The following TRAPPC9 variants were observed in gnomAD, a reference collection of about 807,000 sequenced individuals.
The protein encoded by TRAPPC9 is trafficking protein particle complex subunit 9.
A neutral mutation model predicts 124.0 loss-of-function variants in TRAPPC9; 83 were observed. That is an observed-to-expected ratio of 0.67 (90% CI 0.56 to 0.80). The LOEUF is 0.80. Ranked by LOEUF, TRAPPC9 falls within the 30% of genes least tolerant of loss-of-function variation. The pLI is 0.00. For missense variants in TRAPPC9, 1,302 were observed against 1,508.3 expected (o/e 0.86, Z 2.27); for synonymous variants, 638 against 617.5 (o/e 1.03, Z -0.49).
rs577324941 is a variant in TRAPPC9 at position 139,735,273 on chromosome 8, T to C, written c.3056-3071A>G. ...TCTAATGCTAACAGTTGTGACAAGT[T>C]CATATTCTTGCTGTGAGGAGCTCAG... On this transcript the variant is annotated intron_variant, in intron 21 of 22. Coordinates refer to ENST00000438773, the MANE Select transcript of TRAPPC9 (RefSeq NM_001160372.4). Among the ~76,000 whole-genome samples, 68 of 152,324 alleles carry C rather than the reference T, an allele frequency of 4.5e-4. No individual in the cohort carries two copies. In the South Asian group the frequency reaches 0.014, roughly 32 times the overall value.
chr8:140,201,853 A>G (rs2062797960), intron 17 of TRAPPC9, among the ~76,000 whole-genome samples: 1 of 152,188 alleles, frequency 6.6e-6, no homozygotes, highest in Admixed American at 6.5e-5. Context: ...GGCACAGCAC[A>G]CAGCAGCAGT....
chr8:139,798,638 G>A (rs372102519), intron 21 of TRAPPC9, among the ~76,000 whole-genome samples: 15 of 152,342 alleles, frequency 9.8e-5, no homozygotes, highest in African/African-American at 3.4e-4. Context: ...GCTCTGTCAA[G>A]AGCGTAAATA....
At chr8:140,393,032 T>TTTTTTTTTATTTTTTTTTATTTTATTTTA (rs574235886) in intron 7 of TRAPPC9, among the ~76,000 whole-genome samples, 2 of 138,024 alleles carry the variant, frequency 1.4e-5, no homozygotes, top group Non-Finnish European at 3.1e-5. Flanking sequence ...TCCCATTTTA[T>TTTTTTTTTATTTTTTTTTATTTTATTTTA]TTTTATTTTA....
intron 17 of TRAPPC9, among the ~76,000 whole-genome samples, chr8:140,163,709 C>G (rs143738025): frequency 1.3e-5 from 2 of 152,014 alleles, no homozygotes; most frequent in East Asian, 1.9e-4. Flanking sequence ...GTTATTGTAG[C>G]CTTTGTTTCA....
intron 9 of TRAPPC9, among the ~76,000 whole-genome samples, chr8:140,315,233 CTTTTTT>C (rs61220260): frequency 9.3e-6 from 1 of 107,168 alleles, no homozygotes; most frequent in Non-Finnish European, 1.9e-5. Flanking sequence ...ATTTGTATGT[CTTTTTT>C]TTTTTTTTTT....
chr8:139,743,321 A>G (rs1205931685), intron 21 of TRAPPC9, among the ~76,000 whole-genome samples: 1 of 152,148 alleles, frequency 6.6e-6, no homozygotes, highest in Non-Finnish European at 1.5e-5. Flanking sequence ...CTACTCTCCA[A>G]CCTTTTGCGC....
In TRAPPC9 at chr8:139,788,423, G is replaced by A. The variant is rs1212126324; in HGVS notation, c.3056-56221C>T. ...AACTATCAGGCAGGGCAAGGATGGC[G>A]GCTGCTGGGGAGGGAGAGCGGGAGC... is the stretch of plus-strand genomic sequence containing the variant. On this transcript the variant is annotated intron_variant, in intron 21 of 22. Transcript: ENST00000438773. The surrounding 1 kb of genome is among the most constrained non-coding windows in gnomAD (Gnocchi z 4.9). 5.3e-5 allele frequency among the ~76,000 whole-genome samples: 8 copies of A among 152,234 alleles called. No homozygotes were observed. The highest frequency in any genetic ancestry group is 1.3e-4 in the Admixed American group (2 of 15,288).
At chr8:140,275,169 C>T (rs571306075) in intron 15 of TRAPPC9, among the ~76,000 whole-genome samples, 1 of 152,108 alleles carries the variant, frequency 6.6e-6, no homozygotes. Flanking sequence ...AAGAGGAAAT[C>T]GAGGCACAGG....
Position 139,731,962 on chromosome 8 carries a change from T to TGCACACCACCAC in TRAPPC9, c.3279+5_3279+16dup. On this transcript the variant is annotated intron_variant, in intron 22 of 22. Transcript: ENST00000438773. ...ATGGCCAGAGGCTCCCAGACCGCCT[T>TGCACACCACCAC]GCACACCACCACGCACCGCGTCGAG... 1 of 1,559,000 alleles carries TGCACACCACCAC rather than the reference T, an allele frequency of 6.4e-7. No individual in the cohort carries two copies. Among genetic ancestry groups the TGCACACCACCAC allele is most frequent in the Non-Finnish European group, 8.7e-7 (1 of 1,150,854 alleles).
chr8:139,823,137 C>T (rs149169954), intron 21 of TRAPPC9, among the ~76,000 whole-genome samples: 23 of 152,268 alleles, frequency 1.5e-4, no homozygotes, highest in African/African-American at 4.8e-4. Flanking sequence ...CTGGGGGTTA[C>T]GGCTGCAACA....
At chr8:139,970,146 T>C (rs1422448365) in intron 19 of TRAPPC9, among the ~76,000 whole-genome samples, 2 of 152,158 alleles carry the variant, frequency 1.3e-5, no homozygotes, top group African/African-American at 2.4e-5. Context: ...AAAAGCATCA[T>C]GTAAGGCTGA....
At chr8:140,198,516 C>T (rs1454090898) in intron 17 of TRAPPC9, among the ~76,000 whole-genome samples, 1 of 152,084 alleles carries the variant, frequency 6.6e-6, no homozygotes, top group Admixed American at 6.5e-5. Flanking sequence ...ACAGCTGACT[C>T]CCTATGATTT....
intron 9 of TRAPPC9, among the ~76,000 whole-genome samples, chr8:140,337,895 G>A (rs1363010786): frequency 6.6e-6 from 1 of 151,780 alleles, no homozygotes; most frequent in Non-Finnish European, 1.5e-5. Context: ...TGTTCTGGAG[G>A]GGCCTTCCAG....
chr8:140,197,280 AC>A (rs999860398), intron 17 of TRAPPC9, among the ~76,000 whole-genome samples: 3 of 152,218 alleles, frequency 2.0e-5, no homozygotes, highest in African/African-American at 7.2e-5. Flanking sequence ...GGAATTGAGA[AC>A]CCTAACACGA....
intron 17 of TRAPPC9, among the ~76,000 whole-genome samples, chr8:140,206,880 T>C (rs1013435896): frequency 2.6e-5 from 4 of 152,144 alleles, no homozygotes; most frequent in Non-Finnish European, 4.4e-5. Flanking sequence ...CCAAGCCGTC[T>C]GTGACCCTTT....
intron 17 of TRAPPC9, among the ~76,000 whole-genome samples, chr8:140,049,223 A>C (rs1841818282): frequency 6.6e-6 from 1 of 152,224 alleles, no homozygotes; most frequent in South Asian, 2.1e-4. Flanking sequence ...CCAGAACAAA[A>C]GCCCATGCTG....
At chr8:139,910,969 G>T (rs996067684) in intron 19 of TRAPPC9, among the ~76,000 whole-genome samples, 1 of 152,192 alleles carries the variant, frequency 6.6e-6, no homozygotes, top group Non-Finnish European at 1.5e-5. Context: ...AAGACTTTGG[G>T]AGACCGTTGG....
rs995011784 is a variant in TRAPPC9, at chr8:140,182,213, C to T, written c.2556+39246G>A. Among the ~76,000 whole-genome samples, 13 of 152,080 alleles carry T rather than the reference C, an allele frequency of 8.5e-5. No homozygotes were observed. Among genetic ancestry groups the T allele is most frequent in the Middle Eastern group, 3.2e-3 (1 of 316 alleles). On this transcript the variant is annotated intron_variant, in intron 17 of 22. Transcript: ENST00000438773. This position sits in a 1 kb window ranked among gnomAD's most constrained non-coding sequence, Gnocchi z 4.0. ...CGGAAATCTTGCTTTCCAGTGCATA[C>T]ATTTATCCAAAAATTCTTTACATTA...
At chr8:140,176,851 A>C (rs2062082150) in intron 17 of TRAPPC9, among the ~76,000 whole-genome samples, 1 of 152,234 alleles carries the variant, frequency 6.6e-6, no homozygotes, top group African/African-American at 2.4e-5. Context: ...ATTCAAATGG[A>C]TCGCATAATG....
Sources: gnomAD v4.1 joint callset for allele counts (sites outside exome capture counted in the v4.1 genomes callset) on GRCh38, gnomAD v4.1.1 for gene constraint, Gnocchi (gnomAD v3.1) non-coding constraint, MANE v1.5 for transcripts, NCBI Gene and HGNC (gene_info 2026-07-23, HGNC 2026-07-21) for gene names.